Variants in AGAP1 observed in about 807,000 individuals in gnomAD.
The protein encoded by AGAP1 is ArfGAP with GTPase domain, ankyrin repeat and PH domain 1.
AGAP1 carries 29 observed loss-of-function variants against 105.3 expected under a neutral mutation model. The observed-to-expected ratio is 0.28, with a 90% confidence interval of 0.21 to 0.38. The LOEUF is 0.38. AGAP1 is among the 10% of genes least tolerant of loss of function. The pLI is 1.00. For synonymous variants in AGAP1, 509 were observed against 485.9 expected (o/e 1.05, Z -0.63); for missense variants, 998 against 1,165.1 (o/e 0.86, Z 2.09).
chr2:236,018,986 G>T (rs144968703), intron 13 of AGAP1, among the ~76,000 whole-genome samples: 32 of 152,310 alleles, frequency 2.1e-4, no homozygotes, highest in African/African-American at 7.7e-4. Flanking sequence ...CCTCAGGCCT[G>T]CAGTCAGACC....
chr2:235,776,777 C>A (rs72981174), intron 6 of AGAP1, among the ~76,000 whole-genome samples: 36,117 of 152,116 alleles, frequency 0.24, 4,899 homozygotes, highest in Admixed American at 0.39. Context: ...GCACCCTTTC[C>A]TTAGCCTCAA....
chr2:235,774,411 C>T lies in AGAP1; in HGVS notation c.674-23348C>T, dbSNP rs76601137. Reference sequence around the variant, plus strand: ...AGGGCTGAGTCTGTCGGGTTGAGTACTTCCCTTCCATCACGGCAGGCAGTC... The same window carrying T: ...AGGGCTGAGTCTGTCGGGTTGAGTATTTCCCTTCCATCACGGCAGGCAGTC... On this transcript the variant is annotated intron_variant, in intron 6 of 17. Transcript: ENST00000304032. 506 of 470,114 alleles carry T rather than the reference C, an allele frequency of 1.1e-3. 7 individuals carry two copies. In the East Asian group the frequency reaches 0.029, roughly 27 times the overall value. The allele number at this position is 470,114 out of a possible 1,614,324, so 29.1% of individuals were successfully genotyped here. A position where few individuals can be genotyped will look rare whatever the true frequency, so the allele number is the denominator to read the frequency against.
intron 16 of AGAP1, among the ~76,000 whole-genome samples, chr2:236,079,693 A>G (rs908876184): frequency 6.6e-6 from 1 of 152,094 alleles, no homozygotes; most frequent in Non-Finnish European, 1.5e-5. Flanking sequence ...AGCCTCAGAG[A>G]AAAAAACCTG....
intron 1 of AGAP1, among the ~76,000 whole-genome samples, chr2:235,637,857 C>T (rs1441830022): frequency 6.6e-6 from 1 of 152,240 alleles, no homozygotes; most frequent in East Asian, 1.9e-4. Flanking sequence ...GAACCAGGAG[C>T]TCTGATGTCC....
chr2:235,902,050 A>G (rs751621469), intron 10 of AGAP1, among the ~76,000 whole-genome samples: 7 of 152,218 alleles, frequency 4.6e-5, no homozygotes, highest in Non-Finnish European at 7.3e-5. Flanking sequence ...TGTGAAAAGT[A>G]TAATTTTCAA....
intron 13 of AGAP1, among the ~76,000 whole-genome samples, chr2:235,987,758 G>A (rs1268348602): frequency 6.6e-6 from 1 of 151,884 alleles, no homozygotes; most frequent in African/African-American, 2.4e-5. Flanking sequence ...CTTAATTTCA[G>A]TATTTACCCA....
At position 235,744,042 on chromosome 2, in the gene AGAP1, G is replaced by A. The variant is rs1220855043; in HGVS notation, c.397-656G>A. On this transcript the variant is annotated intron_variant, in intron 4 of 17. Transcript: ENST00000304032. This position sits in a 1 kb window ranked among gnomAD's most constrained non-coding sequence, Gnocchi z 5.2. ...GGCAAGACAAGAATAAAATGAATACGGCAAAGCAAGAACAAAATGGCGAGA... is the reference window on the plus strand; with the variant it reads ...GGCAAGACAAGAATAAAATGAATACAGCAAAGCAAGAACAAAATGGCGAGA... Among the ~76,000 whole-genome samples the A allele has an allele frequency of 6.6e-6, 1 of 152,184 alleles. No homozygotes were observed. The highest frequency in any genetic ancestry group is 1.5e-5 in the Non-Finnish European group (1 of 68,044).
rs1364457673 is a variant in AGAP1, at chr2:235,887,900, T to G, written c.1155+4451T>G. On this transcript the variant is annotated intron_variant, in intron 10 of 17. Transcript: ENST00000304032. The surrounding 1 kb of genome is among the most constrained non-coding windows in gnomAD (Gnocchi z 4.1). Reference sequence around the variant, plus strand: ...GAGAGCGCCAGGCTTGCAGTTGTATTAAACGTGGAAGATTCAGACAGAGAT... The same window carrying G: ...GAGAGCGCCAGGCTTGCAGTTGTATGAAACGTGGAAGATTCAGACAGAGAT... Among the ~76,000 whole-genome samples, 2 of 152,178 alleles carry G rather than the reference T, an allele frequency of 1.3e-5. No individual in the cohort carries two copies. The highest frequency in any genetic ancestry group is 2.9e-5 in the Non-Finnish European group (2 of 68,036).
At chr2:235,873,988 C>T (rs971092630) in intron 9 of AGAP1, among the ~76,000 whole-genome samples, 1 of 152,214 alleles carries the variant, frequency 6.6e-6, no homozygotes, top group Non-Finnish European at 1.5e-5. Context: ...CTCCATCTCC[C>T]AAAGTGCTGG....
At chr2:235,602,446 C>G (rs1405950748) in intron 1 of AGAP1, among the ~76,000 whole-genome samples, 2 of 152,190 alleles carry the variant, frequency 1.3e-5, no homozygotes, top group Non-Finnish European at 2.9e-5. Context: ...ACCTCTTTGC[C>G]CGCCAGGCTC....
rs1406662486 is a variant in AGAP1, at chr2:236,027,947, C to T, written c.1646-8614C>T. On this transcript the variant is annotated intron_variant, in intron 13 of 17. Transcript: ENST00000304032. This position sits in a 1 kb window ranked among gnomAD's most constrained non-coding sequence, Gnocchi z 4.4. ...CACACTATCACAGAGCTGTTGGTCC[C>T]GGGGATTGCGATTCGTGTCTTTATT... Among the ~76,000 whole-genome samples, 5 of 152,096 alleles carry T rather than the reference C, an allele frequency of 3.3e-5. No individual in the cohort carries two copies. The highest frequency in any genetic ancestry group is 5.9e-5 in the Non-Finnish European group (4 of 68,024).
chr2:235,849,964 T>G (rs1428429079), intron 9 of AGAP1, among the ~76,000 whole-genome samples: 2 of 152,192 alleles, frequency 1.3e-5, no homozygotes, highest in African/African-American at 4.8e-5. Flanking sequence ...CCTCTCAGCC[T>G]TCTTCATAGC....
intron 2 of AGAP1, among the ~76,000 whole-genome samples, chr2:235,710,496 G>A (rs1318779571): frequency 6.6e-6 from 1 of 152,076 alleles, no homozygotes; most frequent in Non-Finnish European, 1.5e-5. Context: ...CCCGGTGTCT[G>A]CCCCCCGCCC....
intron 6 of AGAP1, among the ~76,000 whole-genome samples, chr2:235,757,794 C>T (rs1458007462): frequency 1.3e-5 from 2 of 152,170 alleles, no homozygotes; most frequent in East Asian, 1.9e-4. Context: ...CCCCATCTCA[C>T]ATTAAATGGC....
Position 236,113,141 on chromosome 2 carries a change from T to C in AGAP1, c.2115-7051T>C, listed in dbSNP as rs929972003. Among the ~76,000 whole-genome samples the C allele has an allele frequency of 3.9e-5, 6 of 152,034 alleles. No individual in the cohort carries two copies. Among genetic ancestry groups the C allele is most frequent in the Non-Finnish European group, 8.8e-5 (6 of 68,018 alleles). On this transcript the variant is annotated intron_variant, in intron 16 of 17. Transcript: ENST00000304032. This position sits in a 1 kb window ranked among gnomAD's most constrained non-coding sequence, Gnocchi z 4.3. ...ATCTTGTTCCACATTAGATATGGAG[T>C]TTGTTTTGTTTGTTTTTGAGACGGA...
intron 1 of AGAP1, chr2:235,670,994 C>T: frequency 1.5e-6 from 2 of 1,321,594 alleles, no homozygotes; most frequent in East Asian, 3.1e-5. Flanking sequence ...CTTCAGCCTG[C>T]GGCGGGCCCC....
At chr2:235,494,986 G>A in intron 1 of AGAP1, 137 bp downstream of exon 1, 1 of 809,874 alleles carries the variant, frequency 1.2e-6, no homozygotes, top group African/African-American at 1.8e-5. Context: ...GCACTGCGGC[G>A]CTGCTTGTCT....
At chr2:235,518,785 G>A (rs931457629) in intron 1 of AGAP1, among the ~76,000 whole-genome samples, 1 of 152,206 alleles carries the variant, frequency 6.6e-6, no homozygotes, top group Non-Finnish European at 1.5e-5. Context: ...CAGAGGGATG[G>A]TGGCATAGCT....
chr2:235,895,966 A>C (rs1381743172), intron 10 of AGAP1, among the ~76,000 whole-genome samples: 1 of 152,192 alleles, frequency 6.6e-6, no homozygotes, highest in Non-Finnish European at 1.5e-5. Flanking sequence ...TTTAATTGTA[A>C]AATACATACA....
Sources: gnomAD v4.1 joint callset for allele counts (sites outside exome capture counted in the v4.1 genomes callset) on GRCh38, gnomAD v4.1.1 for gene constraint, Gnocchi (gnomAD v3.1) non-coding constraint, MANE v1.5 for transcripts, NCBI Gene and HGNC (gene_info 2026-07-23, HGNC 2026-07-21) for gene names.